Variants in MTERF2 observed in about 807,000 individuals in gnomAD.
MTERF2 encodes mitochondrial transcription termination factor 2, also known as transcription termination factor 2, mitochondrial.
Under a neutral mutation model 29.2 loss-of-function variants are expected in MTERF2, and 23 were observed. The ratio of observed to expected loss-of-function variants is 0.79; its 90% CI spans 0.57 to 1.12. The LOEUF (loss-of-function observed/expected upper bound fraction) is 1.12. Among genes scored for constraint, MTERF2 ranks in the 50% most tolerant of loss-of-function variants. The probability of loss-of-function intolerance (pLI) is 0.00; values close to 1 mark genes in which losing one functional copy is unlikely to be tolerated. For synonymous variants in MTERF2, 157 were observed against 159.5 expected, an observed-to-expected ratio of 0.98 and a Z score of 0.12; for missense variants, 440 against 429.4, an observed-to-expected ratio of 1.02 and a Z score of -0.22.
rs1245655680 is a variant in MTERF2, at chr12:106,978,445, A to G, written c.270T>C (p.Asp90=). 2 of 1,614,120 alleles carry G rather than the reference A, an allele frequency of 1.2e-6. No individual in the cohort carries two copies. Among genetic ancestry groups the G allele is most frequent in the East Asian group, 2.2e-5 (1 of 44,902 alleles). ...IANILQELGA[D]ETAVASILER... is the part of the protein sequence containing the mutation. ...CCAAAATACTGGCTACAGCAGTCTC[A>G]TCGGCACCTAGTTCTTGTAAAATAT... The change falls in exon 3 of 3, where the codon GAT becomes GAC. Residue 90 remains aspartate, a synonymous_variant. Transcript: ENST00000240050.
chr12:106,977,566 A>G lies in MTERF2; in HGVS notation c.1149T>C (p.Val383=). ...AACAACAGTCAGTATGTCATTCTTC[A>G]ACATTTAATGGTGCCACAGGGTTAA... The part of the protein sequence containing the change: ...PLFNPVAPLN[V]EE Residue 383 remains valine (V), a synonymous_variant, in exon 3 of 3, where the codon GTT becomes GTC. Coordinates refer to ENST00000240050, the MANE Select transcript of MTERF2 (RefSeq NM_001033050.3). 6.2e-7 allele frequency: 1 copy of G among 1,607,220 alleles called. No individual in the cohort carries two copies. Among genetic ancestry groups the G allele is most frequent in the Non-Finnish European group, 8.5e-7 (1 of 1,177,254 alleles).
rs1003017256 is a variant in MTERF2 at position 106,978,633 on chromosome 12, G to A, written c.82C>T (p.Pro28Ser). Residue 28 changes from proline (P) to serine (S), a missense_variant, in exon 3 of 3, where the codon CCT becomes TCT. Coordinates refer to ENST00000240050, the MANE Select transcript of MTERF2 (RefSeq NM_001033050.3). The stretch of plus-strand genomic sequence containing the variant: ...GTATAGGTGAAGCATGCTAAGAAAG[G>A]TCTGTATTTTGGAGGTGATCGCATC... ...RKMRSPPKYR[P>S]FLACFTYTTD... 1 of 1,614,136 alleles carries A rather than the reference G, an allele frequency of 6.2e-7. No homozygotes were observed.
chr12:106,979,494 C>T (rs534432959), intron 2 of MTERF2, among the ~76,000 whole-genome samples: 1 of 152,294 alleles, frequency 6.6e-6, no homozygotes, highest in African/African-American at 2.4e-5. Context: ...AATTCCAGCA[C>T]TTTGGGAGGC....
chr12:106,977,355 C>T lies in MTERF2; in HGVS notation c.*202G>A. 2.2e-6 allele frequency: 1 copy of T among 455,934 alleles called. No individual in the cohort carries two copies. The highest frequency in any genetic ancestry group is 3.8e-6 in the Non-Finnish European group (1 of 264,916). 28.2% of individuals were successfully genotyped at this position (455,934 alleles called of 1,614,324 possible). ...AAATAATGGTTCAAGGTAAAAGTTACCAACCTTATTAAAATAAATATGATT... is the reference window on the plus strand; with the variant it reads ...AAATAATGGTTCAAGGTAAAAGTTATCAACCTTATTAAAATAAATATGATT... On this transcript the variant is annotated 3_prime_UTR_variant, in exon 3 of 3. Coordinates refer to ENST00000240050, the MANE Select transcript of MTERF2 (RefSeq NM_001033050.3).
At chr12:106,983,500 G>A (rs1451215513) in intron 2 of MTERF2, among the ~76,000 whole-genome samples, 1 of 152,142 alleles carries the variant, frequency 6.6e-6, no homozygotes, top group Non-Finnish European at 1.5e-5. Context: ...TTAATTTCAC[G>A]TGGTCAAAGG....
rs3837509 is a variant in MTERF2, at chr12:106,977,400, CAT to C, written c.*155_*156del. Reference sequence around the variant, plus strand: ...ATGATTTATATTTTATAATATGGCACATGAGTCAGAATTTATCTATTTAGAGA... The same window carrying C: ...ATGATTTATATTTTATAATATGGCACGAGTCAGAATTTATCTATTTAGAGA... On this transcript the variant is annotated 3_prime_UTR_variant, in exon 3 of 3. Transcript: ENST00000240050. The C allele has an allele frequency of 0.54, 294,603 of 543,352 alleles. 82,965 individuals carry two copies. The highest frequency in any genetic ancestry group is 0.76 in the African/African-American group (39,033 of 51,536). The allele number at this position is 543,352 out of a possible 1,614,324, so 33.7% of individuals were successfully genotyped here. A position where few individuals can be genotyped will look rare whatever the true frequency, so the allele number is the denominator to read the frequency against.
Position 106,978,285 on chromosome 12 carries a change from T to C in MTERF2, c.430A>G (p.Lys144Glu), listed in dbSNP as rs757371982. 5 of 1,614,108 alleles carry C rather than the reference T, an allele frequency of 3.1e-6. No homozygotes were observed. In the Middle Eastern group the frequency reaches 4.9e-4, roughly 160 times the overall value. Residue 144 changes from lysine to glutamate, a missense_variant, in exon 3 of 3, where the codon AAA (lysine) becomes GAA (glutamate). Coordinates refer to ENST00000240050, the MANE Select transcript of MTERF2 (RefSeq NM_001033050.3). ...TTCAGCTTCTGGTTCTCTTGGTCTT[T>C]AATAGTAAAGAAAGATTCTGGAAAC... ...EQFPESFFTIKDQENQKLNVQ... is the reference protein window; with the variant it reads ...EQFPESFFTIEDQENQKLNVQ...
In MTERF2 at chr12:106,977,600, C is replaced by T. The variant is rs762866012; in HGVS notation, c.1115G>A (p.Arg372Lys). 82 of 1,613,284 alleles carry T rather than the reference C, an allele frequency of 5.1e-5. No homozygotes were observed. Among genetic ancestry groups the T allele is most frequent in the Non-Finnish European group, 6.5e-5 (77 of 1,179,722 alleles). ...TGGTGCCACAGGGTTAAATAATGGC[C>T]TTACTTTTTTGGCCTGAATTTTGCC... Reference protein sequence around the residue: ...NFGKIQAKKVRPLFNPVAPLN... With the variant: ...NFGKIQAKKVKPLFNPVAPLN... The change falls in exon 3 of 3, where the codon AGG (arginine) becomes AAG (lysine). Residue 372 changes from arginine to lysine, a missense_variant. Coordinates refer to ENST00000240050, the MANE Select transcript of MTERF2 (RefSeq NM_001033050.3).
At chr12:106,979,584 AC>A (rs1349725933) in intron 2 of MTERF2, among the ~76,000 whole-genome samples, 11 of 152,184 alleles carry the variant, frequency 7.2e-5, no homozygotes, top group African/African-American at 2.7e-4. Context: ...TACTAAACAT[AC>A]AAAAATTAGC....
At position 106,978,193 on chromosome 12, in the gene MTERF2, A is replaced by T. The variant is rs772527091; in HGVS notation, c.522T>A (p.Pro174=). 5 of 1,613,870 alleles carry T rather than the reference A, an allele frequency of 3.1e-6. No homozygotes were observed. The highest frequency in any genetic ancestry group is 4.2e-6 in the Non-Finnish European group (5 of 1,180,000). ...TCTCAACAGGATTATGAAAAACATTAGGTGCAGCTGTCAAAAGTCTGCTAA... is the reference window on the plus strand; with the variant it reads ...TCTCAACAGGATTATGAAAAACATTTGGTGCAGCTGTCAAAAGTCTGCTAA... The part of the protein sequence containing the change: ...VVISRLLTAA[P]NVFHNPVEKN... The change falls in exon 3 of 3, where the codon CCT becomes CCA. Residue 174 remains proline, a synonymous_variant. Transcript: ENST00000240050.
intron 2 of MTERF2, among the ~76,000 whole-genome samples, chr12:106,984,495 G>T (rs957557570): frequency 1.3e-5 from 2 of 152,190 alleles, no homozygotes; most frequent in East Asian, 3.9e-4. Flanking sequence ...GAGCTCAAGC[G>T]ATCTGCCCAC....
rs939444405 is a variant in MTERF2, at chr12:106,987,064, C to T, written c.-264G>A. Reference sequence around the variant, plus strand: ...GGCCAGCCTCCCCACAGTCCGCAGTCCCCGAGGCCTGGAGCCGGGATTTCG... The same window carrying T: ...GGCCAGCCTCCCCACAGTCCGCAGTTCCCGAGGCCTGGAGCCGGGATTTCG... On this transcript the variant is annotated 5_prime_UTR_variant, in exon 1 of 3. Transcript: ENST00000240050. 6.5e-6 allele frequency: 1 copy of T among 152,704 alleles called. No homozygotes were observed. Among genetic ancestry groups the T allele is most frequent in the Non-Finnish European group, 1.5e-5 (1 of 68,436 alleles). 9.5% of individuals were successfully genotyped at this position (152,704 alleles called of 1,614,324 possible). A position where few individuals can be genotyped will look rare whatever the true frequency, so the allele number is the denominator to read the frequency against.
Position 106,977,958 on chromosome 12 carries a change from C to A in MTERF2, c.757G>T (p.Gly253Ter). The A allele has an allele frequency of 1.2e-6, 2 of 1,614,040 alleles. No homozygotes were observed. Among genetic ancestry groups the A allele is most frequent in the Non-Finnish European group, 1.7e-6 (2 of 1,179,994 alleles). ...EILQLLSKLK[G>*]FLFQLCPRSI... is the part of the protein sequence containing the mutation. ...CTTGGGCAAAGTTGAAAAAGAAATC[C>A]TTTGAGTTTGGATAGAAGCTGGAGA... The change falls in exon 3 of 3, where the codon GGA becomes TGA. Residue 253 changes from glycine (G) to a stop codon, truncating the protein, a stop_gained. Transcript: ENST00000240050. LOFTEE classifies it high-confidence loss of function.
At chr12:106,984,424 T>C (rs1050735925) in intron 2 of MTERF2, among the ~76,000 whole-genome samples, 1 of 152,198 alleles carries the variant, frequency 6.6e-6, no homozygotes, top group African/African-American at 2.4e-5. Flanking sequence ...GTTTTCATTC[T>C]TATCTCTTTT....
At chr12:106,986,640 T>A (rs939330687) in intron 1 of MTERF2, 1 of 152,120 alleles carries the variant, frequency 6.6e-6, no homozygotes, top group African/African-American at 2.4e-5. Context: ...TTTTGGGGAG[T>A]GAAATTCACT....
Position 106,978,244 on chromosome 12 carries a change from T to C in MTERF2, c.471A>G (p.Gln157=). The change falls in exon 3 of 3, where the codon CAA becomes CAG. Residue 157 remains glutamine, a synonymous_variant. Transcript: ENST00000240050. The stretch of plus-strand genomic sequence containing the variant: ...TGACCACATTTTTTAGTCCCAACTC[T>C]TGAAAGAACTGAACATTCAGCTTCT... ...ENQKLNVQFF[Q]ELGLKNVVIS... 6.2e-7 allele frequency: 1 copy of C among 1,613,904 alleles called. No homozygotes were observed.
chr12:106,977,441 A>G lies in MTERF2; in HGVS notation c.*116T>C. The G allele has an allele frequency of 1.3e-6, 1 of 791,770 alleles. No homozygotes were observed. The highest frequency in any genetic ancestry group is 2.0e-6 in the Non-Finnish European group (1 of 499,622). The allele number at this position is 791,770 out of a possible 1,614,324, so 49.0% of individuals were successfully genotyped here. ...TCTATTTAGAGATAACTTAAATACA[A>G]CACAGAAGCTAAGCAGGTTCTTAAA... is the stretch of plus-strand genomic sequence containing the variant. On this transcript the variant is annotated 3_prime_UTR_variant, in exon 3 of 3. Coordinates refer to ENST00000240050, the MANE Select transcript of MTERF2 (RefSeq NM_001033050.3).
At chr12:106,984,117 G>C (rs1952082973) in intron 2 of MTERF2, among the ~76,000 whole-genome samples, 1 of 151,856 alleles carries the variant, frequency 6.6e-6, no homozygotes, top group Non-Finnish European at 1.5e-5. Flanking sequence ...TCATTATCCA[G>C]GGTCATTCCT....
In MTERF2 at chr12:106,978,548, G is replaced by A. The variant is rs1952017946; in HGVS notation, c.167C>T (p.Ser56Leu). 1 of 1,614,182 alleles carries A rather than the reference G, an allele frequency of 6.2e-7. No individual in the cohort carries two copies. The highest frequency in any genetic ancestry group is 8.5e-7 in the Non-Finnish European group (1 of 1,180,028). The change falls in exon 3 of 3, where the codon TCA becomes TTA. Residue 56 changes from serine (S) to leucine (L), a missense_variant. Coordinates refer to ENST00000240050, the MANE Select transcript of MTERF2 (RefSeq NM_001033050.3). ...TRTVEKLYKC[S>L]VDIRKIRRLK... is the part of the protein sequence containing the mutation. The stretch of plus-strand genomic sequence containing the variant: ...TCTACGAATTTTCCTAATGTCAACT[G>A]AACATTTATAGAGCTTTTCCACTGT...
Sources: allele counts gnomAD v4.1 joint callset (sites outside exome capture counted in the v4.1 genomes callset), GRCh38; gene constraint gnomAD v4.1.1; transcripts MANE v1.5; gene names NCBI Gene and HGNC (gene_info 2026-07-23, HGNC 2026-07-21).